The following CNTN1 variants were observed in gnomAD, a reference collection of about 807,000 sequenced individuals.
CNTN1 encodes contactin-1.
In CNTN1, 38 loss-of-function variants were observed where a neutral mutation model predicts 126.4. The observed-to-expected ratio is 0.30, with a 90% CI of 0.23 to 0.39. The LOEUF (loss-of-function observed/expected upper bound fraction) is 0.39. Among genes scored for constraint, CNTN1 ranks in the 10% least tolerant of loss-of-function variants. The probability of loss-of-function intolerance (pLI) is 1.00; values close to 1 mark genes in which losing one functional copy is unlikely to be tolerated. For missense variants in CNTN1, 1,009 were observed against 1,248.4 expected (o/e 0.81, Z 2.89); for synonymous variants, 413 against 422.6 (o/e 0.98, Z 0.28).
At chr12:41,045,043 A>C (rs952356838) in intron 23 of CNTN1, among the ~76,000 whole-genome samples, 5 of 152,026 alleles carry the variant, frequency 3.3e-5, no homozygotes, top group Non-Finnish European at 7.4e-5. Context: ...TGGTAAGCCT[A>C]ATTTTGTATT....
rs370984371 is a variant in CNTN1, at chr12:40,707,227, C to CTTTTTTTTTTTTTTTTTTTTTTTTTT, written c.-77+14649_-77+14674dup. Among the ~76,000 whole-genome samples the CTTTTTTTTTTTTTTTTTTTTTTTTTT allele has an allele frequency of 2.3e-4, 25 of 109,178 alleles. 1 individual carries two copies. The highest frequency in any genetic ancestry group is 5.4e-4 in the African/African-American group (14 of 26,100). The allele number at this position is 109,178 out of a possible 152,430, so 71.6% of individuals were successfully genotyped here. On this transcript the variant is annotated intron_variant, in intron 1 of 23. Transcript: ENST00000551295. ...TTCCTCTTTCATTTCTTTTCTTTTT[C>CTTTTTTTTTTTTTTTTTTTTTTTTTT]TTTTTTTTTTTTTTTTTTTTTTTTT...
At chr12:40,712,214 CTG>C (rs1346798754) in intron 1 of CNTN1, among the ~76,000 whole-genome samples, 2 of 152,072 alleles carry the variant, frequency 1.3e-5, no homozygotes, top group Non-Finnish European at 2.9e-5. Flanking sequence ...CTAATTAACA[CTG>C]TTCAATTTTT....
chr12:41,018,453 T>C (rs1948831007), intron 19 of CNTN1, among the ~76,000 whole-genome samples: 1 of 152,098 alleles, frequency 6.6e-6, no homozygotes, highest in Admixed American at 6.5e-5. Context: ...AAATGTAATA[T>C]ATAATTAAAT....
chr12:40,780,082 C>T (rs890834685), intron 1 of CNTN1, among the ~76,000 whole-genome samples: 1 of 151,918 alleles, frequency 6.6e-6, no homozygotes. Flanking sequence ...CTTTTTATAT[C>T]CTATTCTAGA....
chr12:40,831,344 A>C (rs1941833238), intron 1 of CNTN1, among the ~76,000 whole-genome samples: 1 of 151,934 alleles, frequency 6.6e-6, no homozygotes, highest in Admixed American at 6.6e-5. Flanking sequence ...ATGAAAATTG[A>C]GGAAATCAGA....
chr12:40,922,357 G>A lies in CNTN1; in HGVS notation c.329G>A (p.Gly110Glu), dbSNP rs762941074. Reference sequence around the variant, plus strand: ...AACCCTGACAAACAGAAAGATGCTGGAATATACTACTGTTTAGCATCTAAT... The same window carrying A: ...AACCCTGACAAACAGAAAGATGCTGAAATATACTACTGTTTAGCATCTAAT... ...INNPDKQKDA[G>E]IYYCLASNNY... Residue 110 changes from glycine to glutamate, a missense_variant, in exon 5 of 24, where the codon GGA becomes GAA. By Grantham distance (98) the Gly-to-Glu change is moderately conservative. Coordinates refer to ENST00000551295, the MANE Select transcript of CNTN1 (RefSeq NM_001843.4). The A allele has an allele frequency of 6.2e-7, 1 of 1,613,960 alleles. No individual in the cohort carries two copies. The highest frequency in any genetic ancestry group is 8.5e-7 in the Non-Finnish European group (1 of 1,179,858).
At chr12:40,725,492 C>T (rs1450982445) in intron 1 of CNTN1, among the ~76,000 whole-genome samples, 1 of 147,492 alleles carries the variant, frequency 6.8e-6, no homozygotes, top group African/African-American at 2.5e-5. Flanking sequence ...TTGAGATGTA[C>T]ATAAATCTTT....
At chr12:40,977,414 C>T (rs191375910) in intron 15 of CNTN1, among the ~76,000 whole-genome samples, 74 of 152,212 alleles carry the variant, frequency 4.9e-4, no homozygotes, top group African/African-American at 1.7e-3. Flanking sequence ...TGTCTGGCTG[C>T]CCCTTCCCAT....
At chr12:40,779,663 T>C (rs1006811147) in intron 1 of CNTN1, among the ~76,000 whole-genome samples, 2 of 151,884 alleles carry the variant, frequency 1.3e-5, no homozygotes, top group Non-Finnish European at 1.5e-5. Flanking sequence ...TTCCTATTAT[T>C]GACTGTAAAA....
At chr12:40,758,579 G>A (rs1289168555) in intron 1 of CNTN1, among the ~76,000 whole-genome samples, 3 of 152,036 alleles carry the variant, frequency 2.0e-5, no homozygotes, top group African/African-American at 4.8e-5. Flanking sequence ...AGCAAACTGT[G>A]TAATCTGTTT....
At chr12:40,735,438 C>A (rs545451406) in intron 1 of CNTN1, among the ~76,000 whole-genome samples, 13 of 152,170 alleles carry the variant, frequency 8.5e-5, no homozygotes, top group Non-Finnish European at 1.6e-4. Flanking sequence ...GGAAAAATCA[C>A]CTATAGAGTT....
chr12:40,771,688 C>T (rs1441973931), intron 1 of CNTN1, among the ~76,000 whole-genome samples: 1 of 151,770 alleles, frequency 6.6e-6, no homozygotes, highest in Non-Finnish European at 1.5e-5. Flanking sequence ...CTGTGGGTTG[C>T]CTATGGCCCT....
At chr12:40,786,256 C>T (rs1940013892) in intron 1 of CNTN1, among the ~76,000 whole-genome samples, 1 of 152,170 alleles carries the variant, frequency 6.6e-6, no homozygotes, top group Non-Finnish European at 1.5e-5. Context: ...AGGTTGCACT[C>T]AGCTTCTAAA....
chr12:40,747,210 T>C (rs770030566), intron 1 of CNTN1, among the ~76,000 whole-genome samples: 2 of 152,076 alleles, frequency 1.3e-5, no homozygotes, highest in African/African-American at 2.4e-5. Context: ...AGTTTACAAA[T>C]GAAGTAATTA....
chr12:40,710,731 A>G (rs1941891790), intron 1 of CNTN1, among the ~76,000 whole-genome samples: 2 of 152,144 alleles, frequency 1.3e-5, no homozygotes, highest in South Asian at 4.1e-4. Context: ...GACTTGTAAA[A>G]CAATGTTACA....
rs549137732 is a variant in CNTN1, at chr12:40,761,276, A to G, written c.-77+68684A>G. Among the ~76,000 whole-genome samples the G allele has an allele frequency of 2.7e-3, 414 of 152,196 alleles. 3 individuals are homozygous for G. Among genetic ancestry groups the G allele is most frequent in the Middle Eastern group, 0.01 (3 of 294 alleles). On this transcript the variant is annotated intron_variant, in intron 1 of 23. Coordinates refer to ENST00000551295, the MANE Select transcript of CNTN1 (RefSeq NM_001843.4). The stretch of plus-strand genomic sequence containing the variant: ...ATACTCAGTAATTTAGTGTAGTAAC[A>G]CTTCTTTTTAGTTAGACACCATTTA...
intron 1 of CNTN1, among the ~76,000 whole-genome samples, chr12:40,767,605 GC>G (rs1939163792): frequency 7.0e-6 from 1 of 142,806 alleles, no homozygotes; most frequent in Non-Finnish European, 1.5e-5. Flanking sequence ...ACGGCTCCTG[GC>G]CCTTTTTTTG....
chr12:40,859,867 C>T (rs886445400), intron 1 of CNTN1, among the ~76,000 whole-genome samples: 1 of 152,038 alleles, frequency 6.6e-6, no homozygotes, highest in Non-Finnish European at 1.5e-5. Context: ...AATAATTCAC[C>T]ATCCAAAACT....
chr12:40,963,923 T>C (rs1399154503), intron 15 of CNTN1, among the ~76,000 whole-genome samples: 6 of 152,134 alleles, frequency 3.9e-5, no homozygotes, highest in African/African-American at 7.2e-5. Context: ...AAGATTTATT[T>C]TGGAAACCTA....
Sources: gnomAD v4.1 joint callset for allele counts (sites outside exome capture counted in the v4.1 genomes callset) on GRCh38, gnomAD v4.1.1 for gene constraint, MANE v1.5 for transcripts, NCBI Gene and HGNC (gene_info 2026-07-23, HGNC 2026-07-21) for gene names.